Variants in BLOC1S5 observed in about 807,000 individuals in gnomAD.
BLOC1S5 encodes biogenesis of lysosomal organelles complex 1 subunit 5.
Under a neutral mutation model 24.3 loss-of-function variants are expected in BLOC1S5, and 27 were observed. That is an observed-to-expected ratio of 1.11 (90% confidence interval 0.82 to 1.53). BLOC1S5 has a LOEUF of 1.53. Ranked by LOEUF, BLOC1S5 falls within the 40% of genes most tolerant of loss-of-function variation. The probability of loss-of-function intolerance (pLI) is 0.00; values close to 1 mark genes in which losing one functional copy is unlikely to be tolerated. For missense variants in BLOC1S5, 239 were observed against 229.4 expected (o/e 1.04, Z -0.27); for synonymous variants, 84 against 74.5 (o/e 1.13, Z -0.66).
chr6:8,025,389 C>T lies in BLOC1S5; in HGVS notation c.384+978G>A, dbSNP rs115323628. On this transcript the variant is annotated intron_variant, in intron 4 of 4. Coordinates refer to ENST00000397457, the MANE Select transcript of BLOC1S5 (RefSeq NM_201280.3). ...GCTGTGCAAGCACCCCATCCTGACA[C>T]AAACTTCCCTGACCACAGCTCTGCC... 9.7e-3 allele frequency among the ~76,000 whole-genome samples: 1,472 copies of T among 152,348 alleles called. 25 individuals carry two copies. Among genetic ancestry groups the T allele is most frequent in the African/African-American group, 0.034 (1,401 of 41,582 alleles).
chr6:8,029,113 G>A (rs1056819665), intron 3 of BLOC1S5, among the ~76,000 whole-genome samples: 1 of 151,640 alleles, frequency 6.6e-6, no homozygotes, highest in African/African-American at 2.4e-5. Context: ...GTGTCTATAA[G>A]TAAACCTCAA....
chr6:8,058,957 A>C (rs1764424604), intron 2 of BLOC1S5, among the ~76,000 whole-genome samples: 1 of 152,248 alleles, frequency 6.6e-6, no homozygotes, highest in African/African-American at 2.4e-5. Flanking sequence ...TGCATGAATA[A>C]AGTTTGCTAA....
At chr6:8,058,357 GAAAAAAAAAAAA>G (rs60827828) in intron 2 of BLOC1S5, among the ~76,000 whole-genome samples, 87 of 84,576 alleles carry the variant, frequency 1.0e-3, no homozygotes, top group African/African-American at 2.3e-3. Flanking sequence ...CTGTCTCTAT[GAAAAAAAAAAAA>G]AAAAAAAAAA....
intron 2 of BLOC1S5, among the ~76,000 whole-genome samples, chr6:8,055,794 C>T (rs1440777024): frequency 6.6e-6 from 1 of 152,304 alleles, no homozygotes; most frequent in East Asian, 1.9e-4. Flanking sequence ...CTAGCACCTA[C>T]TCCTAAGTTG....
intron 2 of BLOC1S5, among the ~76,000 whole-genome samples, chr6:8,057,488 G>A (rs2113603721): frequency 6.6e-6 from 1 of 152,272 alleles, no homozygotes; most frequent in South Asian, 2.1e-4. Context: ...CTTGGTTTCT[G>A]ATGTAATCTG....
chr6:8,033,464 T>A (rs1410072037), intron 3 of BLOC1S5, among the ~76,000 whole-genome samples: 5 of 152,248 alleles, frequency 3.3e-5, no homozygotes, highest in African/African-American at 9.6e-5. Flanking sequence ...TTACACCTTA[T>A]ACAAAAATTA....
chr6:8,062,505 A>G, intron 2 of BLOC1S5, 29 bp downstream of exon 2: 1 of 1,360,362 alleles, frequency 7.4e-7, no homozygotes, highest in Non-Finnish European at 1.0e-6. Context: ...TTAGGGAAGT[A>G]CTTTTATAAA....
chr6:8,036,041 G>T (rs2113550789), intron 3 of BLOC1S5, among the ~76,000 whole-genome samples: 1 of 152,238 alleles, frequency 6.6e-6, no homozygotes, highest in Non-Finnish European at 1.5e-5. Context: ...TATATTTTCT[G>T]ACCATAATGG....
chr6:8,030,172 T>C (rs1333677770), intron 3 of BLOC1S5, among the ~76,000 whole-genome samples: 1 of 152,120 alleles, frequency 6.6e-6, no homozygotes, highest in Admixed American at 6.6e-5. Context: ...CAATTTTTTT[T>C]CTTTTGAGAT....
At chr6:8,028,392 CTCTGCCT>C (rs1228810298) in intron 3 of BLOC1S5, among the ~76,000 whole-genome samples, 1 of 150,888 alleles carries the variant, frequency 6.6e-6, no homozygotes, top group East Asian at 1.9e-4. Flanking sequence ...AGTTGATTAG[CTCTGCCT>C]TCTTTCTGTG....
In BLOC1S5 at chr6:8,064,342, C is replaced by A; in HGVS notation, c.35G>T (p.Cys12Phe). Residue 12 changes from cysteine to phenylalanine, a missense_variant, in exon 1 of 5, where the codon TGT becomes TTT. Transcript: ENST00000397457. ...GCTGCCACCGCCCGGGGCGGCCTCACAACCCACAGGGGTCTCTGTCCCTCC... is the reference window on the plus strand; with the variant it reads ...GCTGCCACCGCCCGGGGCGGCCTCAAAACCCACAGGGGTCTCTGTCCCTCC... ...SGGGTETPVGCEAAPGGGSKK... is the reference protein window; with the variant it reads ...SGGGTETPVGFEAAPGGGSKK... The A allele has an allele frequency of 6.2e-7, 1 of 1,612,760 alleles. No homozygotes were observed. Among genetic ancestry groups the A allele is most frequent in the Non-Finnish European group, 8.5e-7 (1 of 1,179,854 alleles).
chr6:8,051,533 C>G (rs1764105153), intron 2 of BLOC1S5, among the ~76,000 whole-genome samples: 1 of 152,224 alleles, frequency 6.6e-6, no homozygotes, highest in Admixed American at 6.5e-5. Flanking sequence ...AGTAGCTACA[C>G]TAAACAACAG....
intron 4 of BLOC1S5, among the ~76,000 whole-genome samples, chr6:8,022,267 C>A (rs1762939191): frequency 1.3e-5 from 2 of 149,566 alleles, no homozygotes; most frequent in South Asian, 4.3e-4. Context: ...GTCAAGGATG[C>A]TGCTAAACAT....
At chr6:8,016,989 T>C (rs1338577546) in intron 4 of BLOC1S5, among the ~76,000 whole-genome samples, 1 of 151,762 alleles carries the variant, frequency 6.6e-6, no homozygotes, top group Non-Finnish European at 1.5e-5. Context: ...TTCCTTAATA[T>C]TGCTATATAA....
chr6:8,028,382 A>G (rs957489400), intron 3 of BLOC1S5, among the ~76,000 whole-genome samples: 1 of 150,198 alleles, frequency 6.7e-6, no homozygotes, highest in African/African-American at 2.4e-5. Context: ...AAAAAACAGG[A>G]GTTGATTAGC....
chr6:8,032,127 A>G lies in BLOC1S5; in HGVS notation c.326-5702T>C, dbSNP rs534346067. ...AACAAAGACAAATAGATGGGACTCA[A>G]TTAAACTAAAAAGCTTCTGCACAGC... is the stretch of plus-strand genomic sequence containing the variant. On this transcript the variant is annotated intron_variant, in intron 3 of 4. Transcript: ENST00000397457. 4.6e-5 allele frequency among the ~76,000 whole-genome samples: 7 copies of G among 152,354 alleles called. No homozygotes were observed. The East Asian group carries it at 1.3e-3, about 29-fold the overall frequency.
chr6:8,051,966 T>C (rs1764120240), intron 2 of BLOC1S5, among the ~76,000 whole-genome samples: 1 of 144,042 alleles, frequency 6.9e-6, no homozygotes, highest in African/African-American at 2.5e-5. Context: ...AGAACATCCA[T>C]GCCTTTTTTT....
intron 2 of BLOC1S5, among the ~76,000 whole-genome samples, chr6:8,056,431 T>G (rs1764308574): frequency 6.6e-6 from 1 of 152,180 alleles, no homozygotes; most frequent in African/African-American, 2.4e-5. Flanking sequence ...AGATTGGGTT[T>G]GCTGTGCTAA....
In BLOC1S5 at chr6:8,014,449, T is replaced by G. The variant is rs1311570046; in HGVS notation, c.*1200A>C. 1.3e-5 allele frequency: 2 copies of G among 152,180 alleles called. No individual in the cohort carries two copies. The highest frequency in any genetic ancestry group is 4.8e-5 in the African/African-American group (2 of 41,416). The allele number at this position is 152,180 out of a possible 1,614,324, so 9.4% of individuals were successfully genotyped here. On this transcript the variant is annotated 3_prime_UTR_variant, in exon 5 of 5. Coordinates refer to ENST00000397457, the MANE Select transcript of BLOC1S5 (RefSeq NM_201280.3). ...CCAACATGCCGGGCTAATTTTTGTATTTTTAGTAGAGACGGGGTTTCACCA... is the reference window on the plus strand; with the variant it reads ...CCAACATGCCGGGCTAATTTTTGTAGTTTTAGTAGAGACGGGGTTTCACCA...
Sources: gnomAD v4.1 joint callset for allele counts (sites outside exome capture counted in the v4.1 genomes callset) on GRCh38, gnomAD v4.1.1 for gene constraint, MANE v1.5 for transcripts, NCBI Gene and HGNC (gene_info 2026-07-23, HGNC 2026-07-21) for gene names.